Variants in RARB observed in about 807,000 individuals in gnomAD.
RARB encodes HBV-activated protein.
A neutral mutation model predicts 51.9 loss-of-function variants in RARB; 17 were observed. That is an observed-to-expected ratio of 0.33 (90% CI 0.22 to 0.49). The LOEUF (loss-of-function observed/expected upper bound fraction) is 0.49, where lower values mean the gene tolerates loss of function less well. Among genes scored for constraint, RARB ranks in the 20% least tolerant of loss-of-function variants. The probability of loss-of-function intolerance (pLI) is 0.99; values close to 1 mark genes in which losing one functional copy is unlikely to be tolerated. For missense variants in RARB, 369 were observed against 550.8 expected, an observed-to-expected ratio of 0.67 and a Z score of 3.30; for synonymous variants, 215 against 195.4, an observed-to-expected ratio of 1.10 and a Z score of -0.84.
At chr3:25,365,303 G>T (rs1193724914) in intron 5 of RARB, among the ~76,000 whole-genome samples, 5 of 141,338 alleles carry the variant, frequency 3.5e-5, no homozygotes, top group African/African-American at 1.3e-4. Flanking sequence ...GTGAAGGTGG[G>T]GTTTCACCAT....
chr3:25,012,670 T>G (rs1407025582), intron 2 of RARB, among the ~76,000 whole-genome samples: 1 of 152,176 alleles, frequency 6.6e-6, no homozygotes, highest in Non-Finnish European at 1.5e-5. Context: ...TTGAGGTGAT[T>G]TACATTTTAT....
At chr3:25,370,706 A>C (rs1287949339) in intron 5 of RARB, among the ~76,000 whole-genome samples, 1 of 152,178 alleles carries the variant, frequency 6.6e-6, no homozygotes, top group African/African-American at 2.4e-5. Context: ...CTTGAGTGAC[A>C]GCTGAAGGAC....
chr3:25,261,712 C>A (rs1195332829), intron 5 of RARB, among the ~76,000 whole-genome samples: 2 of 152,116 alleles, frequency 1.3e-5, no homozygotes, highest in Non-Finnish European at 2.9e-5. Context: ...TTCCTCCATT[C>A]TGTATCTCAC....
At chr3:24,860,703 T>G (rs1423176207) in intron 2 of RARB, among the ~76,000 whole-genome samples, 1 of 152,204 alleles carries the variant, frequency 6.6e-6, no homozygotes, top group Non-Finnish European at 1.5e-5. Flanking sequence ...TTTTTCTAAA[T>G]AGAATACCCC....
At chr3:25,380,367 T>C (rs1248182749) in intron 5 of RARB, among the ~76,000 whole-genome samples, 1 of 152,204 alleles carries the variant, frequency 6.6e-6, no homozygotes, top group Non-Finnish European at 1.5e-5. Flanking sequence ...GCTCTGTGAC[T>C]GGCCTCCAGA....
At chr3:25,456,554 A>ATTTTTTTTT (rs35056259) in intron 1 of RARB, among the ~76,000 whole-genome samples, 3 of 44,122 alleles carry the variant, frequency 6.8e-5, no homozygotes, top group Non-Finnish European at 1.2e-4. Context: ...TATACCACTG[A>ATTTTTTTTT]TTTTTTTTTT....
chr3:25,018,394 G>T (rs1697560358), intron 2 of RARB, among the ~76,000 whole-genome samples: 1 of 152,108 alleles, frequency 6.6e-6, no homozygotes, highest in East Asian at 1.9e-4. Flanking sequence ...GGTTATCATA[G>T]GCTGGAATCA....
chr3:25,047,926 T>C (rs1445927970), intron 2 of RARB, among the ~76,000 whole-genome samples: 1 of 152,134 alleles, frequency 6.6e-6, no homozygotes, highest in African/African-American at 2.4e-5. Flanking sequence ...AATTGAATCA[T>C]GGGGGTGGTT....
intron 2 of RARB, among the ~76,000 whole-genome samples, chr3:25,048,423 G>A (rs1166777689): frequency 6.6e-6 from 1 of 152,122 alleles, no homozygotes; most frequent in Non-Finnish European, 1.5e-5. Flanking sequence ...TTTCCTATAT[G>A]AATACATGTT....
At chr3:24,903,445 T>G (rs779446662) in intron 2 of RARB, among the ~76,000 whole-genome samples, 73 of 152,174 alleles carry the variant, frequency 4.8e-4, no homozygotes, top group Non-Finnish European at 9.0e-4. Flanking sequence ...TAAAAGTTCT[T>G]TCTTTATATA....
chr3:24,969,438 G>A (rs1213978625), intron 2 of RARB, among the ~76,000 whole-genome samples: 4 of 152,086 alleles, frequency 2.6e-5, no homozygotes, highest in African/African-American at 4.8e-5. Flanking sequence ...TCCCAGAAGT[G>A]AGATTTTGAT....
intron 5 of RARB, among the ~76,000 whole-genome samples, chr3:25,281,321 A>G (rs2125415958): frequency 6.6e-6 from 1 of 152,328 alleles, no homozygotes; most frequent in Non-Finnish European, 1.5e-5. Context: ...CTTTCATTCC[A>G]CAATGAAGCC....
intron 5 of RARB, among the ~76,000 whole-genome samples, chr3:25,280,336 T>G (rs1488925268): frequency 6.6e-6 from 1 of 152,196 alleles, no homozygotes; most frequent in African/African-American, 2.4e-5. Flanking sequence ...GAGGGTTTTT[T>G]AACCTGCTTC....
chr3:24,930,228 T>C (rs555439392), intron 2 of RARB, among the ~76,000 whole-genome samples: 45 of 152,216 alleles, frequency 3.0e-4, no homozygotes, highest in Non-Finnish European at 5.0e-4. Context: ...TTAGGCAGAA[T>C]GTAGAGAGCT....
At chr3:25,134,260 G>A (rs185097398) in intron 4 of RARB, among the ~76,000 whole-genome samples, 2 of 152,038 alleles carry the variant, frequency 1.3e-5, no homozygotes, top group Admixed American at 1.3e-4. Context: ...TGTTGTAAGA[G>A]TTAATGGGAA....
At chr3:25,404,332 C>A (rs1707347473) in intron 5 of RARB, among the ~76,000 whole-genome samples, 2 of 152,122 alleles carry the variant, frequency 1.3e-5, no homozygotes, top group African/African-American at 4.8e-5. Context: ...GACTGGAGTG[C>A]TGTGTAGCCA....
intron 3 of RARB, among the ~76,000 whole-genome samples, chr3:25,081,003 C>G (rs1345896584): frequency 6.6e-6 from 1 of 151,820 alleles, no homozygotes; most frequent in Non-Finnish European, 1.5e-5. Context: ...CTGATCTGAT[C>G]TCTTTTACTT....
intron 4 of RARB, among the ~76,000 whole-genome samples, chr3:25,572,171 C>A (rs1459268301): frequency 6.6e-6 from 1 of 152,038 alleles, no homozygotes; most frequent in Non-Finnish European, 1.5e-5. Flanking sequence ...CAATGGTGGA[C>A]TGTGTTGAGT....
intron 3 of RARB, among the ~76,000 whole-genome samples, chr3:25,070,107 T>A (rs1258348340): frequency 6.6e-6 from 1 of 152,212 alleles, no homozygotes; most frequent in Non-Finnish European, 1.5e-5. Flanking sequence ...AGGAACCTAT[T>A]GGGTTCCTTG....
Sources: gnomAD v4.1 joint callset for allele counts (sites outside exome capture counted in the v4.1 genomes callset) on GRCh38, gnomAD v4.1.1 for gene constraint, MANE v1.5 for transcripts, NCBI Gene and HGNC (gene_info 2026-07-23, HGNC 2026-07-21) for gene names.